The following ACSF3 variants were observed in gnomAD, a reference collection of about 807,000 sequenced individuals.
ACSF3 encodes the protein malonate--CoA ligase ACSF3, mitochondrial.
In ACSF3, 78 loss-of-function variants were observed where a neutral mutation model predicts 53.2. That is an observed-to-expected ratio of 1.47 (90% CI 1.22 to 1.77). The LOEUF is 1.77. Among genes scored for constraint, ACSF3 ranks in the 40% most tolerant of loss-of-function variants. The pLI is 0.00. For missense variants in ACSF3, 937 were observed against 771.1 expected, an observed-to-expected ratio of 1.22 and a Z score of -2.55; for synonymous variants, 414 against 333.1, an observed-to-expected ratio of 1.24 and a Z score of -2.65.
Position 89,154,405 on chromosome 16 carries a change from G to T in ACSF3, c.*198G>T. The T allele has an allele frequency of 1.5e-6, 1 of 684,114 alleles. No homozygotes were observed. 42.4% of individuals were successfully genotyped at this position (684,114 alleles called of 1,614,324 possible). Reference sequence around the variant, plus strand: ...CGGGCCAGTTGTTGCAGCTCAAGGAGACCGTCCCTGGTGTCACCTCTGCCT... The same window carrying T: ...CGGGCCAGTTGTTGCAGCTCAAGGATACCGTCCCTGGTGTCACCTCTGCCT... On this transcript the variant is annotated 3_prime_UTR_variant, in exon 11 of 11. Transcript: ENST00000614302.
chr16:89,130,116 T>G (rs1171558872), intron 7 of ACSF3, among the ~76,000 whole-genome samples: 1 of 152,258 alleles, frequency 6.6e-6, no homozygotes, highest in Admixed American at 6.5e-5. Flanking sequence ...AGTTTCTTTC[T>G]GTCTGAAGGA....
chr16:89,097,415 A>G (rs1161134482), intron 1 of ACSF3, among the ~76,000 whole-genome samples: 2 of 152,138 alleles, frequency 1.3e-5, no homozygotes, highest in Non-Finnish European at 2.9e-5. Flanking sequence ...CCCAGAAAGC[A>G]CCGTCCCCTG....
At chr16:89,125,904 C>T (rs1250087716) in intron 7 of ACSF3, among the ~76,000 whole-genome samples, 1 of 152,128 alleles carries the variant, frequency 6.6e-6, no homozygotes, top group Non-Finnish European at 1.5e-5. Context: ...TTACTTAGAT[C>T]CGTGAACCTG....
At position 89,155,925 on chromosome 16, in the gene ACSF3, G is replaced by C; in HGVS notation, c.*1718G>C. On this transcript the variant is annotated 3_prime_UTR_variant, in exon 11 of 11. Transcript: ENST00000614302. ...TACTACAAACTACAGAAAGCCTGGAGCTCATTGACCAGAAACTGCAGAGAG... is the reference window on the plus strand; with the variant it reads ...TACTACAAACTACAGAAAGCCTGGACCTCATTGACCAGAAACTGCAGAGAG... The C allele has an allele frequency of 2.7e-6, 1 of 370,942 alleles. No individual in the cohort carries two copies. The highest frequency in any genetic ancestry group is 2.1e-5 in the South Asian group (1 of 48,076). The allele number at this position is 370,942 out of a possible 1,614,324, so 23.0% of individuals were successfully genotyped here.
rs771946908 is a variant in ACSF3, at chr16:89,100,881, C to T, written c.200C>T (p.Thr67Met). 3.8e-5 allele frequency: 62 copies of T among 1,613,818 alleles called. No individual in the cohort carries two copies. The highest frequency in any genetic ancestry group is 3.6e-4 in the South Asian group (33 of 91,088). The change falls in exon 3 of 11, where the codon ACG becomes ATG. Residue 67 changes from threonine to methionine, a missense_variant. By Grantham distance (81) the Thr-to-Met change is moderately conservative. Transcript: ENST00000614302. ...IALVDQHGRH[T>M]YRELYSRSLR... is the part of the protein sequence containing the mutation. ...CTGGTTGACCAGCACGGCCGCCACA[C>T]GTACAGGGAGCTTTATTCCCGCAGC...
intron 7 of ACSF3, among the ~76,000 whole-genome samples, chr16:89,124,450 G>A (rs537456653): frequency 4.0e-5 from 6 of 150,538 alleles, no homozygotes; most frequent in South Asian, 2.1e-4. Flanking sequence ...TGTGATACCC[G>A]TGCGTACTCT....
chr16:89,111,803 CTG>C (rs1292528047), intron 4 of ACSF3, among the ~76,000 whole-genome samples: 2 of 152,242 alleles, frequency 1.3e-5, no homozygotes, highest in Non-Finnish European at 2.9e-5. Flanking sequence ...TCCGCCCTCT[CTG>C]TGTAGCTGGA....
intron 1 of ACSF3, among the ~76,000 whole-genome samples, chr16:89,094,711 G>A (rs1030580352): frequency 6.6e-6 from 1 of 152,144 alleles, no homozygotes; most frequent in Non-Finnish European, 1.5e-5. Flanking sequence ...TGGGCAACAT[G>A]GTGAGACCCC....
intron 4 of ACSF3, among the ~76,000 whole-genome samples, chr16:89,109,444 C>G (rs554577145): frequency 9.0e-6 from 1 of 111,178 alleles, no homozygotes; most frequent in East Asian, 3.1e-4. Flanking sequence ...TGGAGTCTCA[C>G]TCTGTCGCTC....
intron 10 of ACSF3, chr16:89,147,541 G>GGGGGGGGCC (rs1913318547): frequency 1.6e-5 from 1 of 63,012 alleles, no homozygotes. Flanking sequence ...GGGGGGAGGG[G>GGGGGGGGCC]CCACAGAGCG....
chr16:89,106,576 G>A (rs1018753406), intron 4 of ACSF3, among the ~76,000 whole-genome samples: 1 of 152,226 alleles, frequency 6.6e-6, no homozygotes, highest in Non-Finnish European at 1.5e-5. Context: ...ACAGACGTAA[G>A]CCACTATGCC....
At chr16:89,154,012 C>A in intron 10 of ACSF3, 78 bp from the exon 11 acceptor site, 1 of 1,465,510 alleles carries the variant, frequency 6.8e-7, no homozygotes, top group Non-Finnish European at 9.4e-7. Context: ...GGGCACCTGT[C>A]CGTACTGCTG....
intron 1 of ACSF3, among the ~76,000 whole-genome samples, chr16:89,095,601 G>T (rs147206906): frequency 2.7e-5 from 4 of 147,668 alleles, no homozygotes; most frequent in Admixed American, 6.7e-5. Flanking sequence ...ACAAGGTCTG[G>T]GGGGGCGGGG....
intron 8 of ACSF3, among the ~76,000 whole-genome samples, chr16:89,134,537 C>T (rs555518262): frequency 6.6e-6 from 1 of 152,252 alleles, no homozygotes; most frequent in Admixed American, 6.5e-5. Context: ...GAAAGCTCAA[C>T]TTGAGCCGTA....
intron 8 of ACSF3, among the ~76,000 whole-genome samples, chr16:89,134,961 C>G (rs1046277883): frequency 1.4e-4 from 22 of 152,064 alleles, no homozygotes; most frequent in South Asian, 1.0e-3. Flanking sequence ...GGAGAGTGGA[C>G]ACACGTGGTT....
At chr16:89,130,438 G>T (rs2151511342) in intron 7 of ACSF3, among the ~76,000 whole-genome samples, 1 of 152,262 alleles carries the variant, frequency 6.6e-6, no homozygotes. Context: ...GCCAGGCATG[G>T]TGGCACACAC....
chr16:89,123,327 A>G (rs982191793), intron 7 of ACSF3, among the ~76,000 whole-genome samples: 1 of 152,210 alleles, frequency 6.6e-6, no homozygotes, highest in Non-Finnish European at 1.5e-5. Context: ...CCAGCATCAG[A>G]GACCTGCTGC....
At position 89,100,755 on chromosome 16, in the gene ACSF3, G is replaced by C; in HGVS notation, c.74G>C (p.Arg25Thr). ...ALASCRLAPA[R>T]HRGSGLLHTA... ...GCGTCCTGCCGGCTGGCGCCTGCGA[G>C]ACACAGAGGAAGTGGTCTTCTGCAC... The change falls in exon 3 of 11, where the codon AGA (arginine) becomes ACA (threonine). Residue 25 changes from arginine (R) to threonine (T), a missense_variant. Transcript: ENST00000614302. 6.2e-7 allele frequency: 1 copy of C among 1,608,014 alleles called. No homozygotes were observed. The highest frequency in any genetic ancestry group is 8.5e-7 in the Non-Finnish European group (1 of 1,179,850).
chr16:89,113,926 G>A, intron 5 of ACSF3: 1 of 335,996 alleles, frequency 3.0e-6, no homozygotes, highest in South Asian at 2.3e-5. Context: ...CCCCGGATGT[G>A]CCTGGCCGCA....
Sources: gnomAD v4.1 joint callset for allele counts (sites outside exome capture counted in the v4.1 genomes callset) on GRCh38, gnomAD v4.1.1 for gene constraint, MANE v1.5 for transcripts, NCBI Gene and HGNC (gene_info 2026-07-23, HGNC 2026-07-21) for gene names.